Variants in ADHFE1 observed in about 807,000 individuals in gnomAD.
ADHFE1 encodes alcohol dehydrogenase iron containing 1.
In ADHFE1, 37 loss-of-function variants were observed where a neutral mutation model predicts 54.8. The observed-to-expected ratio is 0.68, with a 90% confidence interval of 0.52 to 0.89. ADHFE1 has a LOEUF of 0.89. ADHFE1 is among the 40% of genes least tolerant of loss of function. The probability of loss-of-function intolerance (pLI) is 0.00; values close to 1 mark genes in which losing one functional copy is unlikely to be tolerated. For synonymous variants in ADHFE1, 203 were observed against 229.3 expected, an observed-to-expected ratio of 0.89 and a Z score of 1.04; for missense variants, 601 against 591.2, an observed-to-expected ratio of 1.02 and a Z score of -0.17.
In ADHFE1 at chr8:66,444,363, T is replaced by G. The variant is rs1563488423; in HGVS notation, c.145-4T>G. The G allele has an allele frequency of 6.2e-7, 1 of 1,614,094 alleles. No homozygotes were observed. The highest frequency in any genetic ancestry group is 8.5e-7 in the Non-Finnish European group (1 of 1,179,984). ...CTACACCTAAACCTTTTTATTTTTT[T>G]CAGATGGCTGTTTCAAATATTAGAT... On this transcript the variant is annotated splice_region_variant and splice_polypyrimidine_tract_variant and intron_variant, in intron 3 of 13. Coordinates refer to ENST00000396623, the MANE Select transcript of ADHFE1 (RefSeq NM_144650.3).
intron 1 of ADHFE1, among the ~76,000 whole-genome samples, chr8:66,435,872 G>T (rs1805436027): frequency 6.7e-6 from 1 of 149,236 alleles, no homozygotes; most frequent in Admixed American, 6.7e-5. Context: ...GCCTCCCAAA[G>T]TGCTAGGATT....
At chr8:66,435,472 C>T (rs1805411197) in intron 1 of ADHFE1, among the ~76,000 whole-genome samples, 1 of 152,078 alleles carries the variant, frequency 6.6e-6, no homozygotes, top group Non-Finnish European at 1.5e-5. Flanking sequence ...ACAGCTGGCA[C>T]TCATCTTGCT....
chr8:66,453,600 A>G, intron 9 of ADHFE1: 2 of 845,958 alleles, frequency 2.4e-6, no homozygotes, highest in Admixed American at 4.7e-5. Context: ...CAGCAACCAC[A>G]GATATAAAGA....
intron 13 of ADHFE1, among the ~76,000 whole-genome samples, chr8:66,468,018 G>A (rs1434000479): frequency 2.6e-5 from 4 of 152,190 alleles, no homozygotes; most frequent in Non-Finnish European, 5.9e-5. Flanking sequence ...ATTGGTTTCG[G>A]CAGAAGGCTG....
chr8:66,445,549 T>C (rs1805984311), intron 6 of ADHFE1, 135 bp downstream of exon 6: 1 of 825,710 alleles, frequency 1.2e-6, no homozygotes, highest in African/African-American at 1.7e-5. Flanking sequence ...ATGCCTTGTT[T>C]GGAGAACAAT....
chr8:66,448,894 C>T lies in ADHFE1; in HGVS notation c.658C>T (p.Leu220=), dbSNP rs187158237. 3.3e-5 allele frequency: 53 copies of T among 1,614,180 alleles called. No individual in the cohort carries two copies. The East Asian group carries it at 1.1e-3, about 35-fold the overall frequency. The change falls in exon 8 of 14, where the codon CTG becomes TTG. Residue 220 remains leucine, a synonymous_variant. Transcript: ENST00000396623. ...CACTTCGAGAGCCATCAAACCCACACTGGGACTGATTGATCCTCTGCACAC... is the reference window on the plus strand; with the variant it reads ...CACTTCGAGAGCCATCAAACCCACATTGGGACTGATTGATCCTCTGCACAC... ...GITSRAIKPT[L]GLIDPLHTLH...
At chr8:66,450,007 C>G (rs73253656) in intron 8 of ADHFE1, among the ~76,000 whole-genome samples, 2,892 of 152,236 alleles carry the variant, frequency 0.019, 87 homozygotes, top group African/African-American at 0.063. Flanking sequence ...CCTGCACATC[C>G]CTGTACAGTG....
chr8:66,453,656 G>C lies in ADHFE1; in HGVS notation c.888-403G>C. 5 of 1,352,968 alleles carry C rather than the reference G, an allele frequency of 3.7e-6. No homozygotes were observed. In the South Asian group the frequency reaches 5.7e-5, roughly 15 times the overall value. The allele number at this position is 1,352,968 out of a possible 1,614,324, so 83.8% of individuals were successfully genotyped here. A position where few individuals can be genotyped will look rare whatever the true frequency, so the allele number is the denominator to read the frequency against. The stretch of plus-strand genomic sequence containing the variant: ...GGAGGCAGTGTCTCAGAGAGAAAGA[G>C]CGCTGGCCGGCAGGTAGCCCCGGGC... On this transcript the variant is annotated intron_variant, in intron 9 of 13. Transcript: ENST00000396623.
rs1806832583 is a variant in ADHFE1 at position 66,460,351 on chromosome 8, G to A, written c.1206G>A (p.Val402=). The part of the protein sequence containing the change: ...RTARIQDAGL[V]LADTLRKFLF... ...CCAGGATCCAAGATGCAGGGCTGGT[G>A]TTGGCAGACACGCTCCGGAAATTCT... Residue 402 remains valine, a synonymous_variant, in exon 13 of 14, where the codon GTG becomes GTA. Transcript: ENST00000396623. The A allele has an allele frequency of 1.9e-6, 3 of 1,614,194 alleles. No individual in the cohort carries two copies. The highest frequency in any genetic ancestry group is 1.7e-5 in the Admixed American group (1 of 60,030).
chr8:66,439,730 T>C lies in ADHFE1; in HGVS notation c.60-432T>C, dbSNP rs959925506. ...GACATCTTGAAGACACTGGGAAATA[T>C]ATAAGGCAAGTTCCCAGCATAGGGT... On this transcript the variant is annotated intron_variant, in intron 1 of 13. Coordinates refer to ENST00000396623, the MANE Select transcript of ADHFE1 (RefSeq NM_144650.3). The surrounding 1 kb of genome is among the most constrained non-coding windows in gnomAD (Gnocchi z 4.4). 49 of 996,386 alleles carry C rather than the reference T, an allele frequency of 4.9e-5. No homozygotes were observed. Among genetic ancestry groups the C allele is most frequent in the Non-Finnish European group, 5.5e-5 (46 of 837,348 alleles). The allele number at this position is 996,386 out of a possible 1,614,324, so 61.7% of individuals were successfully genotyped here. A position where few individuals can be genotyped will look rare whatever the true frequency, so the allele number is the denominator to read the frequency against.
chr8:66,451,635 C>CT (rs1205696550), intron 8 of ADHFE1, among the ~76,000 whole-genome samples: 1 of 152,116 alleles, frequency 6.6e-6, no homozygotes. Context: ...AGATTCAGTG[C>CT]TTTTTTGTTG....
At chr8:66,444,321 C>T in intron 3 of ADHFE1, 46 bp from the exon 4 acceptor site, 1 of 1,582,432 alleles carries the variant, frequency 6.3e-7, no homozygotes, top group Non-Finnish European at 8.7e-7. Flanking sequence ...ATGGACTGGC[C>T]AACTCTCAAA....
intron 6 of ADHFE1, among the ~76,000 whole-genome samples, chr8:66,446,887 A>C (rs886089478): frequency 6.6e-6 from 1 of 152,260 alleles, no homozygotes; most frequent in Non-Finnish European, 1.5e-5. Flanking sequence ...TCCAGCAGTC[A>C]TGATACATGT....
intron 13 of ADHFE1, 40 bp from the exon 14 acceptor site, chr8:66,468,229 T>A: frequency 6.5e-7 from 1 of 1,540,754 alleles, no homozygotes; most frequent in East Asian, 2.3e-5. Flanking sequence ...CAAACTGCCT[T>A]TTCAAAGCCC....
In ADHFE1 at chr8:66,444,719, T is replaced by G. The variant is rs1178816880; in HGVS notation, c.324T>G (p.Asp108Glu). ...ATGGCATCCCCTTTACGGTTTATGA[T>G]AATGTGAGAGTGGAACCAACGGATT... ...VKNGIPFTVYDNVRVEPTDSS... is the reference protein window; with the variant it reads ...VKNGIPFTVYENVRVEPTDSS... The change falls in exon 5 of 14, where the codon GAT becomes GAG. Residue 108 changes from aspartate to glutamate, a missense_variant. Transcript: ENST00000396623. 3 of 1,614,082 alleles carry G rather than the reference T, an allele frequency of 1.9e-6. No homozygotes were observed. The highest frequency in any genetic ancestry group is 3.3e-5 in the Admixed American group (2 of 60,004).
intron 13 of ADHFE1, among the ~76,000 whole-genome samples, 163 bp from the exon 14 acceptor site, chr8:66,468,106 G>A (rs1219693326): frequency 1.3e-5 from 2 of 152,210 alleles, no homozygotes; most frequent in Non-Finnish European, 2.9e-5. Flanking sequence ...AAACCTCTGA[G>A]ATGGGGATCA....
chr8:66,459,048 A>G (rs1315161381), intron 12 of ADHFE1, among the ~76,000 whole-genome samples: 1 of 152,106 alleles, frequency 6.6e-6, no homozygotes, highest in Admixed American at 6.5e-5. Context: ...CTTTTCCTGG[A>G]TTCCTAAGAG....
At position 66,468,276 on chromosome 8, in the gene ADHFE1, T is replaced by C. The variant is rs1487435772; in HGVS notation, c.1328T>C (p.Val443Ala). ...LVKGTLPQER[V>A]TKLAPCPQSE... The stretch of plus-strand genomic sequence containing the variant: ...TTTCATTTACTGTTTCAGGAAAGGG[T>C]CACCAAGCTTGCACCCTGTCCCCAG... Residue 443 changes from valine (V) to alanine (A), a missense_variant, in exon 14 of 14, where the codon GTC becomes GCC. By Grantham distance (64) the Val-to-Ala change is moderately conservative. Coordinates refer to ENST00000396623, the MANE Select transcript of ADHFE1 (RefSeq NM_144650.3). 6.8e-6 allele frequency: 11 copies of C among 1,612,068 alleles called. No homozygotes were observed. Among genetic ancestry groups the C allele is most frequent in the Non-Finnish European group, 8.5e-6 (10 of 1,179,170 alleles).
At chr8:66,443,674 G>A (rs1805882920) in intron 3 of ADHFE1, among the ~76,000 whole-genome samples, 1 of 151,816 alleles carries the variant, frequency 6.6e-6, no homozygotes, top group South Asian at 2.1e-4. Context: ...GAAGGCACAG[G>A]CCCCATCTAA....
Sources: gnomAD v4.1 joint callset for allele counts (sites outside exome capture counted in the v4.1 genomes callset) on GRCh38, gnomAD v4.1.1 for gene constraint, Gnocchi (gnomAD v3.1) non-coding constraint, MANE v1.5 for transcripts, NCBI Gene and HGNC (gene_info 2026-07-23, HGNC 2026-07-21) for gene names.